The following CDH4 variants were observed in gnomAD, a reference collection of about 807,000 sequenced individuals.
The protein encoded by CDH4 is cadherin 4, also known as cadherin-4.
CDH4 carries 33 observed loss-of-function variants against 86.0 expected under a neutral mutation model. The observed-to-expected ratio is 0.38, with a 90% CI of 0.29 to 0.51. CDH4 has a LOEUF of 0.51. Among genes scored for constraint, CDH4 ranks in the 20% least tolerant of loss-of-function variants. The pLI is 0.86. For synonymous variants in CDH4, 555 were observed against 549.4 expected (o/e 1.01, Z -0.14); for missense variants, 1,114 against 1,307.4 (o/e 0.85, Z 2.28).
chr20:61,883,945 C>T (rs1447282962), intron 7 of CDH4, among the ~76,000 whole-genome samples: 1 of 152,172 alleles, frequency 6.6e-6, no homozygotes, highest in Non-Finnish European at 1.5e-5. Flanking sequence ...CACCCCCCAA[C>T]CCCCGTGTGG....
Position 61,754,788 on chromosome 20 carries a change from CTGCACGCCACACACACCACACACACGA to C in CDH4, c.396+11004_396+11030del, listed in dbSNP as rs2088540998. On this transcript the variant is annotated intron_variant, in intron 3 of 15. Transcript: ENST00000614565. This position sits in a 1 kb window ranked among gnomAD's most constrained non-coding sequence, Gnocchi z 4.7. Reference sequence around the variant, plus strand: ...GCATGCCACACACACCACACACACACTGCACGCCACACACACCACACACACGATGCATGCCACACACCACACACATGC... The same window carrying C: ...GCATGCCACACACACCACACACACACTGCATGCCACACACCACACACATGC... 8.1e-6 allele frequency among the ~76,000 whole-genome samples: 1 copy of C among 123,042 alleles called. No homozygotes were observed. The highest frequency in any genetic ancestry group is 1.7e-5 in the Non-Finnish European group (1 of 58,952). The allele number at this position is 123,042 out of a possible 152,430, so 80.7% of individuals were successfully genotyped here.
chr20:61,317,828 C>G (rs1225928224), intron 2 of CDH4, among the ~76,000 whole-genome samples: 1 of 152,200 alleles, frequency 6.6e-6, no homozygotes, highest in East Asian at 1.9e-4. Context: ...TCCAGCCAGC[C>G]AGCAAGGGTG....
chr20:61,417,801 A>T lies in CDH4; in HGVS notation c.169+162864A>T, dbSNP rs757114434. 6.6e-6 allele frequency among the ~76,000 whole-genome samples: 1 copy of T among 152,000 alleles called. No homozygotes were observed. On this transcript the variant is annotated intron_variant, in intron 2 of 15. Transcript: ENST00000614565. The surrounding 1 kb of genome is among the most constrained non-coding windows in gnomAD (Gnocchi z 4.0). ...GCCAGGCGAGGTCTCAGGAAGTCTG[A>T]GTTTGGAAGGCGCCGCCAGAGACTG...
chr20:61,324,840 G>A (rs2084528238), intron 2 of CDH4, among the ~76,000 whole-genome samples: 1 of 152,198 alleles, frequency 6.6e-6, no homozygotes, highest in Non-Finnish European at 1.5e-5. Context: ...CCCATTTATA[G>A]AGGGTGTGGC....
At chr20:61,450,738 G>T (rs1053397351) in intron 2 of CDH4, among the ~76,000 whole-genome samples, 2 of 151,670 alleles carry the variant, frequency 1.3e-5, no homozygotes, top group African/African-American at 2.4e-5. Context: ...TCAGCAAACT[G>T]CTCGGTGGCC....
chr20:61,441,063 C>T (rs957741587), intron 2 of CDH4, among the ~76,000 whole-genome samples: 5 of 152,172 alleles, frequency 3.3e-5, no homozygotes, highest in Non-Finnish European at 7.3e-5. Context: ...GAAAAAGACA[C>T]ATTTCTTTAT....
At chr20:61,513,966 C>T (rs545191659) in intron 2 of CDH4, among the ~76,000 whole-genome samples, 13 of 152,284 alleles carry the variant, frequency 8.5e-5, no homozygotes, top group African/African-American at 2.4e-4. Flanking sequence ...ATTTGCAGGG[C>T]GCCAAGCAGA....
chr20:61,459,296 G>T (rs2085428731), intron 2 of CDH4, among the ~76,000 whole-genome samples: 1 of 152,038 alleles, frequency 6.6e-6, no homozygotes, highest in East Asian at 1.9e-4. Flanking sequence ...CTGACTCAGA[G>T]CTTTGTGTTC....
chr20:61,553,386 A>G (rs768463952), intron 2 of CDH4, among the ~76,000 whole-genome samples: 1 of 152,250 alleles, frequency 6.6e-6, no homozygotes, highest in Non-Finnish European at 1.5e-5. Flanking sequence ...TTGTGACTCT[A>G]CTAACATACA....
At chr20:61,688,395 A>G (rs1329840191) in intron 2 of CDH4, among the ~76,000 whole-genome samples, 1 of 151,512 alleles carries the variant, frequency 6.6e-6, no homozygotes, top group Admixed American at 6.6e-5. Flanking sequence ...CTTCCTTCTG[A>G]ATGATGGTTT....
At position 61,637,122 on chromosome 20, in the gene CDH4, G is replaced by C. The variant is rs759396275; in HGVS notation, c.170-106441G>C. On this transcript the variant is annotated intron_variant, in intron 2 of 15. Coordinates refer to ENST00000614565, the MANE Select transcript of CDH4 (RefSeq NM_001794.5). ...TTTTGTTTGTTTTTCTTCAAGTTCT[G>C]CTTTTTAACTTTTTATTTTGAAATA... is the stretch of plus-strand genomic sequence containing the variant. Among the ~76,000 whole-genome samples, 119 of 152,150 alleles carry C rather than the reference G, an allele frequency of 7.8e-4. 2 individuals carry two copies. Among genetic ancestry groups the C allele is most frequent in the Non-Finnish European group, 2.2e-4 (15 of 68,024 alleles).
intron 2 of CDH4, among the ~76,000 whole-genome samples, chr20:61,589,762 C>T (rs1333302936): frequency 6.6e-6 from 1 of 151,926 alleles, no homozygotes; most frequent in Admixed American, 6.6e-5. Flanking sequence ...CCCCTCTCCC[C>T]CCATATTTAA....
chr20:61,727,510 C>A (rs965705574), intron 2 of CDH4, among the ~76,000 whole-genome samples: 3 of 152,204 alleles, frequency 2.0e-5, no homozygotes, highest in Non-Finnish European at 4.4e-5. Context: ...ACCTTTATTA[C>A]TTTAAAGGAC....
At chr20:61,282,991 T>G in intron 2 of CDH4, among the ~76,000 whole-genome samples, 1 of 25,330 alleles carries the variant, frequency 3.9e-5, no homozygotes, top group African/African-American at 1.2e-4. Context: ...TGGCGTGTGA[T>G]GTACGTGCGT....
intron 2 of CDH4, among the ~76,000 whole-genome samples, chr20:61,425,367 A>G (rs2145508257): frequency 6.6e-6 from 1 of 151,024 alleles, no homozygotes; most frequent in African/African-American, 2.4e-5. Context: ...GAGCCGGCCA[A>G]GGGAGAGCCA....
intron 2 of CDH4, among the ~76,000 whole-genome samples, chr20:61,430,401 C>A (rs1185714320): frequency 6.6e-6 from 1 of 152,144 alleles, no homozygotes; most frequent in Admixed American, 6.5e-5. Context: ...TGCCTCCAGG[C>A]CATTTATAGT....
intron 2 of CDH4, among the ~76,000 whole-genome samples, chr20:61,629,564 T>A (rs570658693): frequency 4.6e-5 from 7 of 152,312 alleles, no homozygotes; most frequent in Admixed American, 1.3e-4. Flanking sequence ...AAGTTAAAGA[T>A]GAATTTGAGA....
chr20:61,328,495 A>C (rs1244846001), intron 2 of CDH4, among the ~76,000 whole-genome samples: 1 of 152,348 alleles, frequency 6.6e-6, no homozygotes, highest in African/African-American at 2.4e-5. Flanking sequence ...GTTTTTAAAA[A>C]TAGTTTTGCC....
intron 14 of CDH4, 150 bp downstream of exon 14, chr20:61,933,274 C>A: frequency 9.9e-7 from 1 of 1,008,632 alleles, no homozygotes; most frequent in Non-Finnish European, 1.4e-6. Context: ...GGTTTCCTAG[C>A]CTGGGCTGAG....
Sources: gnomAD v4.1 joint callset for allele counts (sites outside exome capture counted in the v4.1 genomes callset) on GRCh38, gnomAD v4.1.1 for gene constraint, Gnocchi (gnomAD v3.1) non-coding constraint, MANE v1.5 for transcripts, NCBI Gene and HGNC (gene_info 2026-07-23, HGNC 2026-07-21) for gene names.